ZNF800: variants seen among roughly 807,000 people sequenced by gnomAD.
ZNF800 encodes the protein zinc finger protein 800.
A neutral mutation model predicts 59.5 loss-of-function variants in ZNF800; 13 were observed. The observed-to-expected ratio is 0.22, with a 90% CI of 0.14 to 0.35. ZNF800 has a LOEUF of 0.35. ZNF800 is among the 10% of genes least tolerant of loss of function. The pLI is 1.00. For missense variants in ZNF800, 621 were observed against 783.7 expected (o/e 0.79, Z 2.48); for synonymous variants, 266 against 265.7 (o/e 1.00, Z -0.01).
At chr7:127,347,471 C>T (rs1234730747) in exon 2 of ZNF800, 1 of 152,098 alleles carries the variant, frequency 6.6e-6, no homozygotes, top group African/African-American at 2.4e-5. Flanking sequence ...CTTTGAAGAA[C>T]TAATCATGAC....
intron 4 of ZNF800, among the ~76,000 whole-genome samples, chr7:127,375,992 T>A (rs1800780228): frequency 6.6e-6 from 1 of 151,974 alleles, no homozygotes; most frequent in South Asian, 2.1e-4. Context: ...CCATTTACCA[T>A]TTCACTCTAT....
chr7:127,384,513 C>T (rs1181528217), intron 3 of ZNF800, among the ~76,000 whole-genome samples: 4 of 151,858 alleles, frequency 2.6e-5, no homozygotes, highest in Non-Finnish European at 5.9e-5. Context: ...GGATTACAGA[C>T]GTGAGCCACC....
At chr7:127,343,550 C>T (rs1800005392), downstream of ZNF800, among the ~76,000 whole-genome samples, 1 of 151,952 alleles carries the variant, frequency 6.6e-6, no homozygotes, top group African/African-American at 2.4e-5. Flanking sequence ...TTCTACTCAT[C>T]CTCCCTTAAA....
Position 127,392,546 on chromosome 7 carries a change from A to C in ZNF800, c.-545T>G, listed in dbSNP as rs1026697317. 1 of 277,604 alleles carries C rather than the reference A, an allele frequency of 3.6e-6. No individual in the cohort carries two copies. The highest frequency in any genetic ancestry group is 2.2e-5 in the African/African-American group (1 of 45,642). 17.2% of individuals were successfully genotyped at this position (277,604 alleles called of 1,614,324 possible). On this transcript the variant is annotated 5_prime_UTR_variant, in exon 1 of 6. Transcript: ENST00000265827. ...CGGAGAAAAATGGGGGTCTCCCCCAACCTTGGGCCTTTTCGGTGGTAGTTG... is the reference window on the plus strand; with the variant it reads ...CGGAGAAAAATGGGGGTCTCCCCCACCCTTGGGCCTTTTCGGTGGTAGTTG...
At chr7:127,391,675 A>G (rs78921837) in intron 1 of ZNF800, 60 bp from the exon 2 acceptor site, 30 of 836,434 alleles carry the variant, frequency 3.6e-5, no homozygotes, top group African/African-American at 1.3e-4. Flanking sequence ...CACTGGCTGC[A>G]TTTTCCAGAT....
At position 127,352,968 on chromosome 7, in the gene ZNF800, AGT is replaced by A. The variant is rs1800196537; in HGVS notation, n.225-4927_225-4926del. On this transcript the variant is annotated intron_variant and non_coding_transcript_variant, in intron 1 of 1. Coordinates refer to the ZNF800 transcript ENST00000485577. ...AATGATGAGAAAAGGAACAAAATAT[AGT>A]GTTTTTCCATGCTCTAGAGCACTAA... Among the ~76,000 whole-genome samples, 3 of 151,946 alleles carry A rather than the reference AGT, an allele frequency of 2.0e-5. No individual in the cohort carries two copies. The South Asian group carries it at 6.2e-4, about 32-fold the overall frequency.
At chr7:127,388,351 C>T (rs985194295) in intron 2 of ZNF800, among the ~76,000 whole-genome samples, 5 of 152,086 alleles carry the variant, frequency 3.3e-5, no homozygotes, top group Non-Finnish European at 5.9e-5. Flanking sequence ...AGACCAGTAT[C>T]GTCTACTTGA....
At position 127,372,909 on chromosome 7, in the gene ZNF800, T is replaced by C. The variant is rs183987898; in HGVS notation, c.1994+433A>G. ...CTCAAAAGATTTTTTCCTATAGTTA[T>C]CGCCTTCACAAGTTCATTCTAATAT... On this transcript the variant is annotated intron_variant, in intron 5 of 5. Coordinates refer to ENST00000265827, the MANE Select transcript of ZNF800 (RefSeq NM_176814.5). 3.5e-5 allele frequency: 34 copies of C among 984,856 alleles called. No homozygotes were observed. The African/African-American group carries it at 4.7e-4, about 14-fold the overall frequency. The allele number at this position is 984,856 out of a possible 1,614,324, so 61.0% of individuals were successfully genotyped here. A position where few individuals can be genotyped will look rare whatever the true frequency, so the allele number is the denominator to read the frequency against.
At position 127,373,726 on chromosome 7, in the gene ZNF800, T is replaced by C; in HGVS notation, c.1610A>G (p.His537Arg). 6.2e-7 allele frequency: 1 copy of C among 1,614,210 alleles called. No individual in the cohort carries two copies. Among genetic ancestry groups the C allele is most frequent in the Non-Finnish European group, 8.5e-7 (1 of 1,180,036 alleles). Residue 537 changes from histidine (H) to arginine (R), a missense_variant, in exon 5 of 6, where the codon CAT (histidine) becomes CGT (arginine). Physicochemically the swap from His to Arg is conservative, Grantham distance 29 (BLOSUM62 0). Coordinates refer to ENST00000265827, the MANE Select transcript of ZNF800 (RefSeq NM_176814.5). The stretch of plus-strand genomic sequence containing the variant: ...TGACTTTTTATGAACCACAGTTATA[T>C]GTCGTATCACATCACGTTTCCGACG... ...ETRRKRDVIR[H>R]ITVVHKKSSR...
chr7:127,348,026 G>A (rs1800102026), exon 2 of ZNF800: 1 of 151,004 alleles, frequency 6.6e-6, no homozygotes, highest in African/African-American at 2.4e-5. Flanking sequence ...GGCGCTGCGG[G>A]ACGACGGCTT....
intron 1 of ZNF800, 119 bp downstream of exon 1, chr7:127,391,941 G>T (rs1801336307): frequency 2.7e-6 from 1 of 373,388 alleles, no homozygotes; most frequent in East Asian, 3.9e-5. Flanking sequence ...CGGGCTCCGG[G>T]ACTACGGAGG....
chr7:127,390,558 T>C lies in ZNF800; in HGVS notation c.61+939A>G, dbSNP rs546320494. ...AATCAGAAAATTACCTAAAATGAAC[T>C]CTACTGTGATAAAATCCAAGTACAT... On this transcript the variant is annotated intron_variant, in intron 2 of 5. Coordinates refer to ENST00000265827, the MANE Select transcript of ZNF800 (RefSeq NM_176814.5). Among the ~76,000 whole-genome samples, 3 of 152,320 alleles carry C rather than the reference T, an allele frequency of 2.0e-5. No individual in the cohort carries two copies. The East Asian group carries it at 5.8e-4, about 29-fold the overall frequency.
chr7:127,384,557 A>T (rs1351896780), intron 3 of ZNF800, among the ~76,000 whole-genome samples: 3 of 152,036 alleles, frequency 2.0e-5, no homozygotes, highest in Non-Finnish European at 4.4e-5. Context: ...TCAATAAAAA[A>T]ATGCTATAGT....
rs1028966354 is a variant in ZNF800 at position 127,374,882 on chromosome 7, T to A, written c.454A>T (p.Asn152Tyr). 1.2e-6 allele frequency: 2 copies of A among 1,613,978 alleles called. No individual in the cohort carries two copies. The highest frequency in any genetic ancestry group is 2.2e-5 in the South Asian group (2 of 91,072). ...AVFQYISRTDNPIEVTESSST... is the reference protein window; with the variant it reads ...AVFQYISRTDYPIEVTESSST... ...CTTGACTCTGTGACTTCAATAGGAT[T>A]ATCAGTCCTCGAAATATATTGAAAT... The change falls in exon 5 of 6, where the codon AAT becomes TAT. Residue 152 changes from asparagine (N) to tyrosine (Y), a missense_variant. Physicochemically the swap from Asn to Tyr is moderately radical, Grantham distance 143. Around this residue, in one of 7 missense-constraint regions of ZNF800, gnomAD observed 218 missense variants for 230.8 expected, o/e 0.94. Coordinates refer to ENST00000265827, the MANE Select transcript of ZNF800 (RefSeq NM_176814.5).
chr7:127,386,005 G>A (rs1353739871), intron 3 of ZNF800, 55 bp downstream of exon 3: 1 of 1,139,134 alleles, frequency 8.8e-7, no homozygotes, highest in African/African-American at 1.6e-5. Flanking sequence ...AGGACTTCTA[G>A]GTAGTTTTTA....
chr7:127,365,208 ATTAC>A (rs1200766358), downstream of ZNF800, among the ~76,000 whole-genome samples: 2 of 152,142 alleles, frequency 1.3e-5, no homozygotes, highest in Non-Finnish European at 1.5e-5. Context: ...ACCTGTCACT[ATTAC>A]TTAGTAGCAA....
chr7:127,362,612 A>G lies in ZNF800; in HGVS notation n.224+10730T>C, dbSNP rs896901997. The G allele has an allele frequency of 6.6e-5, 10 of 152,266 alleles. No homozygotes were observed. In the East Asian group the frequency reaches 1.9e-3, roughly 30 times the overall value. 9.4% of individuals were successfully genotyped at this position (152,266 alleles called of 1,614,324 possible). A position where few individuals can be genotyped will look rare whatever the true frequency, so the allele number is the denominator to read the frequency against. Reference sequence around the variant, plus strand: ...GCATTGTGCTAGGCCCAGGGTCTACATAACTCTCCCCAGTCCCTTACATAA... The same window carrying G: ...GCATTGTGCTAGGCCCAGGGTCTACGTAACTCTCCCCAGTCCCTTACATAA... On this transcript the variant is annotated intron_variant and non_coding_transcript_variant, in intron 1 of 1. Coordinates refer to the ZNF800 transcript ENST00000485577.
In ZNF800 at chr7:127,371,181, A is replaced by G. The variant is rs1467771554; in HGVS notation, c.*633T>C. The G allele has an allele frequency of 2.0e-5, 3 of 152,620 alleles. No individual in the cohort carries two copies. Among genetic ancestry groups the G allele is most frequent in the Admixed American group, 2.0e-4 (3 of 15,286 alleles). The allele number at this position is 152,620 out of a possible 1,614,324, so 9.5% of individuals were successfully genotyped here. On this transcript the variant is annotated 3_prime_UTR_variant, in exon 6 of 6. Coordinates refer to ENST00000265827, the MANE Select transcript of ZNF800 (RefSeq NM_176814.5). ...AAAAATGTAATGATCCATGCATGAA[A>G]ATGAACTGCAGCTTTCCTGTAGTAT...
Position 127,374,063 on chromosome 7 carries a change from G to C in ZNF800, c.1273C>G (p.His425Asp), listed in dbSNP as rs1490279655. 1 of 1,614,078 alleles carries C rather than the reference G, an allele frequency of 6.2e-7. No homozygotes were observed. The highest frequency in any genetic ancestry group is 8.5e-7 in the Non-Finnish European group (1 of 1,180,000). Residue 425 changes from histidine to aspartate, a missense_variant, in exon 5 of 6, where the codon CAT (histidine) becomes GAT (aspartate). This residue lies in a region of ZNF800 where 185 missense variants were observed against 177.6 expected (regional missense o/e 1.04). Coordinates refer to ENST00000265827, the MANE Select transcript of ZNF800 (RefSeq NM_176814.5). ...SVESSPPSIT[H>D]SPQNELKGTN... ...CCCTTTAATTCATTCTGTGGAGAAT[G>C]GGTAATGGAAGGGGGTGAAGATTCT...
Sources: gnomAD v4.1 joint callset for allele counts (sites outside exome capture counted in the v4.1 genomes callset) on GRCh38, gnomAD v4.1.1 for gene constraint, gnomAD v4.1.1 regional missense constraint, MANE v1.5 for transcripts, NCBI Gene and HGNC (gene_info 2026-07-23, HGNC 2026-07-21) for gene names.